Variants in HS1BP3 observed in about 807,000 individuals in gnomAD.
HS1BP3 encodes the protein HCLS1-binding protein 3.
A neutral mutation model predicts 33.5 loss-of-function variants in HS1BP3; 32 were observed. The ratio of observed to expected loss-of-function variants is 0.95; its 90% confidence interval spans 0.72 to 1.28. HS1BP3 has a LOEUF of 1.28. Among genes scored for constraint, HS1BP3 ranks in the 50% most tolerant of loss-of-function variants. The probability of loss-of-function intolerance (pLI) is 0.00; values close to 1 mark genes in which losing one functional copy is unlikely to be tolerated. For missense variants in HS1BP3, 486 were observed against 502.3 expected, an observed-to-expected ratio of 0.97 and a Z score of 0.31; for synonymous variants, 187 against 209.2, an observed-to-expected ratio of 0.89 and a Z score of 0.92.
chr2:20,556,966 A>G (rs1188489499), downstream of HS1BP3, among the ~76,000 whole-genome samples: 9 of 152,234 alleles, frequency 5.9e-5, no homozygotes, highest in Non-Finnish European at 1.2e-4. Flanking sequence ...AGGGCACCAC[A>G]CTGCGCTAAT....
At chr2:20,613,990 T>C (rs563907771), downstream of HS1BP3, among the ~76,000 whole-genome samples, 17 of 152,336 alleles carry the variant, frequency 1.1e-4, no homozygotes, top group East Asian at 3.3e-3. Flanking sequence ...AATGAGGTCA[T>C]ATCAGATTAC....
At chr2:20,643,321 TG>T (rs368158514) in intron 2 of HS1BP3, among the ~76,000 whole-genome samples, 1 of 152,342 alleles carries the variant, frequency 6.6e-6, no homozygotes, top group African/African-American at 2.4e-5. Context: ...CCAAGTGGGC[TG>T]GGCGGCTGAA....
intron 2 of HS1BP3, among the ~76,000 whole-genome samples, chr2:20,601,539 T>TG (rs1319361446): frequency 6.6e-6 from 1 of 152,098 alleles, no homozygotes; most frequent in Non-Finnish European, 1.5e-5. Context: ...AATTGAATCA[T>TG]GGGGGCGGGT....
At chr2:20,605,879 T>C (rs1558331594) in intron 2 of HS1BP3, among the ~76,000 whole-genome samples, 1 of 152,260 alleles carries the variant, frequency 6.6e-6, no homozygotes, top group Non-Finnish European at 1.5e-5. Context: ...TTTCCACCTT[T>C]TAGCTATTGT....
chr2:20,638,140 A>G (rs931162731), intron 4 of HS1BP3: 3 of 559,926 alleles, frequency 5.4e-6, no homozygotes, highest in African/African-American at 1.9e-5. Context: ...AGCCTGCACT[A>G]CTGAGCTGTC....
At chr2:20,623,174 C>G (rs1232274054) in intron 6 of HS1BP3, 1 of 152,260 alleles carries the variant, frequency 6.6e-6, no homozygotes, top group Non-Finnish European at 1.5e-5. Context: ...GATCACCCAG[C>G]CAAGTGCTCA....
At chr2:20,606,278 G>A (rs1389799155) in intron 2 of HS1BP3, 3 of 425,594 alleles carry the variant, frequency 7.0e-6, no homozygotes, top group Non-Finnish European at 9.3e-6. Context: ...GGTTGGACCT[G>A]TTCATGCGTC....
At chr2:20,616,531 G>T (rs542943470), downstream of HS1BP3, among the ~76,000 whole-genome samples, 1 of 152,224 alleles carries the variant, frequency 6.6e-6, no homozygotes, top group South Asian at 2.1e-4. Flanking sequence ...GGGAGAATAG[G>T]GGGTAGGTCT....
Position 20,651,075 on chromosome 2 carries a change from G to A in HS1BP3, c.-12C>T, listed in dbSNP as rs931735615. 2 of 1,231,794 alleles carry A rather than the reference G, an allele frequency of 1.6e-6. No individual in the cohort carries two copies. Among genetic ancestry groups the A allele is most frequent in the African/African-American group, 1.6e-5 (1 of 64,506 alleles). 76.3% of individuals were successfully genotyped at this position (1,231,794 alleles called of 1,614,324 possible). On this transcript the variant is annotated 5_prime_UTR_variant, in exon 1 of 7. Transcript: ENST00000304031. Reference sequence around the variant, plus strand: ...GCCGGGGACTGCATGACGGCGGCGGGGACTCCGGGCGGGGCGCGCAGTCAC... The same window carrying A: ...GCCGGGGACTGCATGACGGCGGCGGAGACTCCGGGCGGGGCGCGCAGTCAC...
chr2:20,648,138 C>T (rs1438387169), intron 1 of HS1BP3, among the ~76,000 whole-genome samples: 1 of 152,202 alleles, frequency 6.6e-6, no homozygotes, highest in African/African-American at 2.4e-5. Context: ...CTCTTTTTCG[C>T]ACCATCGATT....
At chr2:20,649,101 C>T (rs898125136) in intron 1 of HS1BP3, among the ~76,000 whole-genome samples, 1 of 152,230 alleles carries the variant, frequency 6.6e-6, no homozygotes, top group South Asian at 2.1e-4. Flanking sequence ...CTCAGCATAG[C>T]AGCCAAAGGA....
At position 20,618,819 on chromosome 2, in the gene HS1BP3, A is replaced by G. The variant is rs1694501395; in HGVS notation, c.*168T>C. The stretch of plus-strand genomic sequence containing the variant: ...GCCCGCAGGCTTCTACTTTGGCCCC[A>G]CAGCCCCGGAGAAAATGGAACCATG... On this transcript the variant is annotated 3_prime_UTR_variant, in exon 7 of 7. Transcript: ENST00000304031. 2.8e-6 allele frequency: 4 copies of G among 1,417,670 alleles called. No individual in the cohort carries two copies. Among genetic ancestry groups the G allele is most frequent in the Non-Finnish European group, 3.7e-6 (4 of 1,090,642 alleles). 87.8% of individuals were successfully genotyped at this position (1,417,670 alleles called of 1,614,324 possible). A position where few individuals can be genotyped will look rare whatever the true frequency, so the allele number is the denominator to read the frequency against.
chr2:20,574,789 G>A (rs1485520246), intron 5 of HS1BP3, among the ~76,000 whole-genome samples: 1 of 152,186 alleles, frequency 6.6e-6, no homozygotes. Context: ...TCCACATTGG[G>A]AGCCAATCCT....
In HS1BP3 at chr2:20,609,828, G is replaced by A. The variant is rs553102354; in HGVS notation, c.179-11563C>T. ...CTGGAGGTGTCCTTTCCCTCAGAGG[G>A]TGCCCCCAGCCCCTTGACTCAGTTT... On this transcript the variant is annotated intron_variant, in intron 2 of 3. Transcript: ENST00000415264. 4.2e-4 allele frequency among the ~76,000 whole-genome samples: 64 copies of A among 152,224 alleles called. No individual in the cohort carries two copies. In the South Asian group the frequency reaches 0.013, roughly 31 times the overall value.
chr2:20,575,057 A>G (rs770953441), intron 5 of HS1BP3, among the ~76,000 whole-genome samples: 35 of 152,258 alleles, frequency 2.3e-4, no homozygotes, highest in Non-Finnish European at 4.7e-4. Flanking sequence ...TCATTAATGC[A>G]GACAACGTAA....
chr2:20,621,165 C>T (rs980054058), intron 6 of HS1BP3, among the ~76,000 whole-genome samples: 5 of 152,212 alleles, frequency 3.3e-5, no homozygotes, highest in East Asian at 1.9e-4. Flanking sequence ...GATAGAGAGG[C>T]GATACCTCTG....
At chr2:20,559,584 A>T (rs1692930681), downstream of HS1BP3, among the ~76,000 whole-genome samples, 1 of 149,766 alleles carries the variant, frequency 6.7e-6, no homozygotes, top group South Asian at 2.1e-4. Flanking sequence ...GGATGCATGG[A>T]TGGATAGGTG....
In HS1BP3 at chr2:20,599,609, A is replaced by AACACACAC. The variant is rs59149167; in HGVS notation, c.179-1352_179-1345dup. 9.6e-3 allele frequency among the ~76,000 whole-genome samples: 1,304 copies of AACACACAC among 136,236 alleles called. 3 individuals are homozygous for AACACACAC. Among genetic ancestry groups the AACACACAC allele is most frequent in the African/African-American group, 0.013 (468 of 36,606 alleles). 89.4% of individuals were successfully genotyped at this position (136,236 alleles called of 152,430 possible). On this transcript the variant is annotated intron_variant, in intron 2 of 3. Transcript: ENST00000415264. ...AAATGTATTCATGGACTTCTTGTGT[A>AACACACAC]ACACACACACACACACACACACACA...
At chr2:20,628,241 G>A (rs865847001) in intron 4 of HS1BP3, among the ~76,000 whole-genome samples, 2 of 152,198 alleles carry the variant, frequency 1.3e-5, no homozygotes, top group African/African-American at 4.8e-5. Flanking sequence ...GAACAAAGAT[G>A]AGGACGAGCC....
Sources: gnomAD v4.1 joint callset for allele counts (sites outside exome capture counted in the v4.1 genomes callset) on GRCh38, gnomAD v4.1.1 for gene constraint, MANE v1.5 for transcripts, NCBI Gene and HGNC (gene_info 2026-07-23, HGNC 2026-07-21) for gene names.